Variants in WDFY2 observed in about 807,000 individuals in gnomAD.
The protein encoded by WDFY2 is WD repeat and FYVE domain containing 2, also known as WD repeat and FYVE domain-containing protein 2.
In WDFY2, 36 loss-of-function variants were observed where a neutral mutation model predicts 56.4. The observed-to-expected ratio is 0.64, with a 90% CI of 0.49 to 0.84. WDFY2 has a LOEUF of 0.84. Among genes scored for constraint, WDFY2 ranks in the 40% least tolerant of loss-of-function variants. The pLI is 0.00. For missense variants in WDFY2, 444 were observed against 512.2 expected (o/e 0.87, Z 1.29); for synonymous variants, 176 against 183.7 (o/e 0.96, Z 0.34).
rs184590546 is a variant in WDFY2 at position 51,585,201 on chromosome 13, C to G, written c.137+377C>G. Among the ~76,000 whole-genome samples, 105 of 152,356 alleles carry G rather than the reference C, an allele frequency of 6.9e-4. No individual in the cohort carries two copies. The East Asian group carries it at 0.014, about 20-fold the overall frequency. The stretch of plus-strand genomic sequence containing the variant: ...TGGGGAACGATGCCCTGAGCCGCCT[C>G]TGCAAGATAACCAAGGGGTTTGGGG... On this transcript the variant is annotated intron_variant, in intron 1 of 11. Transcript: ENST00000298125.
chr13:51,587,585 A>G (rs891326771), intron 1 of WDFY2: 3 of 152,272 alleles, frequency 2.0e-5, no homozygotes, highest in African/African-American at 7.2e-5. Flanking sequence ...CTGAAAGTCC[A>G]TGAATTGCTT....
rs59572762 is a variant in WDFY2, at chr13:51,712,125, G to T, written c.335-7073G>T. 9.8e-3 allele frequency among the ~76,000 whole-genome samples: 1,490 copies of T among 152,238 alleles called. 12 individuals are homozygous for T. The highest frequency in any genetic ancestry group is 0.03 in the East Asian group (157 of 5,186). On this transcript the variant is annotated intron_variant, in intron 4 of 11. Coordinates refer to ENST00000298125, the MANE Select transcript of WDFY2 (RefSeq NM_052950.4). The stretch of plus-strand genomic sequence containing the variant: ...TGGAATACTATGCAGCCATAAAACA[G>T]GATGAGTTCATGTCCTTTGTAGGGA...
intron 3 of WDFY2, among the ~76,000 whole-genome samples, chr13:51,684,332 T>C (rs1343964782): frequency 6.6e-6 from 1 of 151,862 alleles, no homozygotes; most frequent in Non-Finnish European, 1.5e-5. Context: ...AGATGCCTTC[T>C]AGTGGATTGA....
Position 51,764,022 on chromosome 13 carries a change from T to A in WDFY2, c.*4253T>A, listed in dbSNP as rs1422815514. ...GAAGTGAGAGAAAGCATTTTACCAA[T>A]ACATTCTTATTTTTTCTCCTTTAAA... is the stretch of plus-strand genomic sequence containing the variant. On this transcript the variant is annotated 3_prime_UTR_variant, in exon 12 of 12. Coordinates refer to ENST00000298125, the MANE Select transcript of WDFY2 (RefSeq NM_052950.4). 2.0e-5 allele frequency: 3 copies of A among 152,230 alleles called. No individual in the cohort carries two copies. The highest frequency in any genetic ancestry group is 1.3e-4 in the Admixed American group (2 of 15,286). The allele number at this position is 152,230 out of a possible 1,614,324, so 9.4% of individuals were successfully genotyped here. A position where few individuals can be genotyped will look rare whatever the true frequency, so the allele number is the denominator to read the frequency against.
chr13:51,751,488 CT>C, intron 8 of WDFY2, 73 bp downstream of exon 8: 2 of 1,346,932 alleles, frequency 1.5e-6, no homozygotes, highest in Non-Finnish European at 2.1e-6. Flanking sequence ...TTTCTTATTT[CT>C]TTTATGATTA....
At chr13:51,676,777 G>A (rs762945754) in intron 3 of WDFY2, among the ~76,000 whole-genome samples, 86 of 152,156 alleles carry the variant, frequency 5.7e-4, no homozygotes, top group Non-Finnish European at 9.7e-4. Context: ...ACTTTGAGGA[G>A]AGCCATTTTT....
chr13:51,640,020 A>C (rs1268603329), intron 1 of WDFY2, among the ~76,000 whole-genome samples: 6 of 152,236 alleles, frequency 3.9e-5, no homozygotes, highest in Non-Finnish European at 7.4e-5. Context: ...AGCTGTTCAA[A>C]TCTTTAAAAG....
At chr13:51,715,005 A>T (rs536836933) in intron 4 of WDFY2, among the ~76,000 whole-genome samples, 1 of 152,308 alleles carries the variant, frequency 6.6e-6, no homozygotes, top group South Asian at 2.1e-4. Context: ...GTACAGTAAA[A>T]ATTTGCTGCA....
chr13:51,664,284 G>A (rs1225069655), intron 2 of WDFY2, among the ~76,000 whole-genome samples: 1 of 152,138 alleles, frequency 6.6e-6, no homozygotes, highest in Non-Finnish European at 1.5e-5. Context: ...AGGGAGCCAG[G>A]AAAAACCAAG....
intron 1 of WDFY2, among the ~76,000 whole-genome samples, chr13:51,635,746 C>T (rs990805962): frequency 9.2e-5 from 14 of 152,138 alleles, no homozygotes; most frequent in African/African-American, 1.7e-4. Context: ...CTCTCTTACT[C>T]GTAGTACTTT....
intron 1 of WDFY2, among the ~76,000 whole-genome samples, chr13:51,610,129 A>G (rs879945706): frequency 1.3e-5 from 2 of 152,102 alleles, no homozygotes; most frequent in African/African-American, 2.4e-5. Flanking sequence ...AGGGGTGTGC[A>G]TAGATGGAGA....
At chr13:51,650,325 G>A (rs1300368862) in intron 1 of WDFY2, among the ~76,000 whole-genome samples, 1 of 152,130 alleles carries the variant, frequency 6.6e-6, no homozygotes, top group Non-Finnish European at 1.5e-5. Flanking sequence ...CTGAGACAAT[G>A]GGGTTTTCTA....
intron 4 of WDFY2, among the ~76,000 whole-genome samples, chr13:51,713,846 CAAAA>C (rs763208351): frequency 5.4e-5 from 3 of 55,366 alleles, no homozygotes; most frequent in African/African-American, 1.9e-4. Context: ...GATTCCATCT[CAAAA>C]AAAAAAAAAA....
intron 4 of WDFY2, among the ~76,000 whole-genome samples, chr13:51,718,280 G>A (rs1165991620): frequency 6.6e-6 from 1 of 152,042 alleles, no homozygotes; most frequent in African/African-American, 2.4e-5. Context: ...AGTCAGCTGT[G>A]TTCAGTGACT....
chr13:51,621,294 C>A (rs562759859), intron 1 of WDFY2, among the ~76,000 whole-genome samples: 8 of 152,176 alleles, frequency 5.3e-5, no homozygotes, highest in African/African-American at 1.9e-4. Flanking sequence ...CACCTGAGAT[C>A]AAGAGTCCGA....
intron 4 of WDFY2, among the ~76,000 whole-genome samples, chr13:51,711,086 C>A (rs947030323): frequency 1.3e-5 from 2 of 152,172 alleles, no homozygotes; most frequent in Non-Finnish European, 2.9e-5. Context: ...GGTACCAAAA[C>A]AGAGGTGTAG....
chr13:51,618,350 G>T (rs1400276079), intron 1 of WDFY2, among the ~76,000 whole-genome samples: 4 of 152,236 alleles, frequency 2.6e-5, no homozygotes, highest in African/African-American at 7.2e-5. Flanking sequence ...AATAAATGGA[G>T]AATTGACAGT....
chr13:51,759,969 A>G lies in WDFY2; in HGVS notation c.*200A>G, dbSNP rs1364511188. 5.6e-6 allele frequency: 3 copies of G among 531,700 alleles called. No individual in the cohort carries two copies. In the Admixed American group the frequency reaches 9.7e-5, roughly 17 times the overall value. The allele number at this position is 531,700 out of a possible 1,614,324, so 32.9% of individuals were successfully genotyped here. ...AAGGGGACTCTTCCAACTTGTTCAT[A>G]CAATATAAAAGAAGCTATTTTTTTA... On this transcript the variant is annotated 3_prime_UTR_variant, in exon 12 of 12. Coordinates refer to ENST00000298125, the MANE Select transcript of WDFY2 (RefSeq NM_052950.4).
intron 1 of WDFY2, among the ~76,000 whole-genome samples, chr13:51,630,090 T>G (rs140982736): frequency 5.3e-5 from 8 of 152,272 alleles, no homozygotes; most frequent in African/African-American, 1.9e-4. Flanking sequence ...AGAGCAGAAA[T>G]ATGGAGCCTT....
Sources: gnomAD v4.1 joint callset for allele counts (sites outside exome capture counted in the v4.1 genomes callset) on GRCh38, gnomAD v4.1.1 for gene constraint, MANE v1.5 for transcripts, NCBI Gene and HGNC (gene_info 2026-07-23, HGNC 2026-07-21) for gene names.